SZT2: variants seen among roughly 807,000 people sequenced by gnomAD.
The protein encoded by SZT2 is KICSTOR complex protein SZT2.
A neutral mutation model predicts 404.2 loss-of-function variants in SZT2; 216 were observed. That is an observed-to-expected ratio of 0.53 (90% confidence interval 0.48 to 0.60). The LOEUF is 0.60. SZT2 is among the 20% of genes least tolerant of loss of function. The pLI is 0.00. For synonymous variants in SZT2, 1,693 were observed against 1,749.9 expected, an observed-to-expected ratio of 0.97 and a Z score of 0.81; for missense variants, 3,857 against 4,459.2, an observed-to-expected ratio of 0.86 and a Z score of 3.85.
rs1283519705 is a variant in SZT2, at chr1:43,422,596, T to C, written c.1886T>C (p.Leu629Pro). 1 of 1,597,690 alleles carries C rather than the reference T, an allele frequency of 6.3e-7. No homozygotes were observed. The highest frequency in any genetic ancestry group is 8.5e-7 in the Non-Finnish European group (1 of 1,179,502). The change falls in exon 13 of 72, where the codon CTA becomes CCA. Residue 629 changes from leucine (L) to proline (P), a missense_variant. This residue lies in a region of SZT2 where 1,725 missense variants were observed against 1,881.0 expected (regional missense o/e 0.92). Transcript: ENST00000634258. ...SLLRDWSSFV[L>P]VEGYSYVKLL... Reference sequence around the variant, plus strand: ...CTGCGGGACTGGAGCAGCTTCGTACTAGTCGAGGGCTATTCTTATGTTAAG... The same window carrying C: ...CTGCGGGACTGGAGCAGCTTCGTACCAGTCGAGGGCTATTCTTATGTTAAG...
Position 43,439,669 on chromosome 1 carries a change from G to T in SZT2, c.6942G>T (p.Trp2314Cys). ...GGGCCCCCTTGTCACTGGCGTTGTGGCCCCCCTCCTCTCCGGGGCCCCCAG... is the reference window on the plus strand; with the variant it reads ...GGGCCCCCTTGTCACTGGCGTTGTGTCCCCCCTCCTCTCCGGGGCCCCCAG... ...EGGAPLSLAL[W>C]PPSSPGPPDP... The change falls in exon 50 of 72, where the codon TGG (tryptophan) becomes TGT (cysteine). Residue 2314 changes from tryptophan to cysteine, a missense_variant. Around this residue, in one of 7 missense-constraint regions of SZT2, gnomAD observed 573 missense variants for 592.4 expected, o/e 0.97. Transcript: ENST00000634258. This position sits in a 1 kb window ranked among gnomAD's most constrained non-coding sequence, Gnocchi z 4.2. 1 of 1,613,260 alleles carries T rather than the reference G, an allele frequency of 6.2e-7. No homozygotes were observed. The highest frequency in any genetic ancestry group is 8.5e-7 in the Non-Finnish European group (1 of 1,179,576).
In SZT2 at chr1:43,442,816, C is replaced by A; in HGVS notation, c.8152-3C>A. ...GAACCCATTGCAATGCTCCATCTCT[C>A]AGGAGCCAAACCCATTCCTGCTGCC... On this transcript the variant is annotated splice_region_variant and splice_polypyrimidine_tract_variant and intron_variant, in intron 58 of 71. Transcript: ENST00000634258. This position sits in a 1 kb window ranked among gnomAD's most constrained non-coding sequence, Gnocchi z 4.5. The A allele has an allele frequency of 6.3e-7, 1 of 1,595,152 alleles. No individual in the cohort carries two copies. Among genetic ancestry groups the A allele is most frequent in the Non-Finnish European group, 8.5e-7 (1 of 1,170,072 alleles).
Position 43,430,346 on chromosome 1 carries a change from C to A in SZT2, c.4437C>A (p.Ile1479=). The A allele has an allele frequency of 6.2e-7, 1 of 1,611,312 alleles. No homozygotes were observed. The highest frequency in any genetic ancestry group is 8.5e-7 in the Non-Finnish European group (1 of 1,179,258). Residue 1479 remains isoleucine (I), a synonymous_variant, in exon 31 of 72, where the codon ATC becomes ATA. Coordinates refer to ENST00000634258, the MANE Select transcript of SZT2 (RefSeq NM_001365999.1). ...CTCGGGACACAGTAGACAGAAAAAT[C>A]AGTGACCTGGAGTTTTCAGAGGCTG... ...EGPRDTVDRK[I]SDLEFSEAEL...
Position 43,426,268 on chromosome 1 carries a change from G to A in SZT2, c.3044-100G>A, listed in dbSNP as rs143492016. The A allele has an allele frequency of 7.2e-3, 10,743 of 1,487,966 alleles. 385 individuals carry two copies. The Admixed American group carries it at 0.11, about 15-fold the overall frequency. 92.2% of individuals were successfully genotyped at this position (1,487,966 alleles called of 1,614,324 possible). ...AGCAGATGAGTGGTGGGGGCAGGAG[G>A]AGCCCATGAGGCTGAAGGAGGGGCC... On this transcript the variant is annotated intron_variant, in intron 21 of 71. Coordinates refer to ENST00000634258, the MANE Select transcript of SZT2 (RefSeq NM_001365999.1). The surrounding 1 kb of genome is among the most constrained non-coding windows in gnomAD (Gnocchi z 4.9).
chr1:43,415,075 T>A lies in SZT2; in HGVS notation c.499-7T>A. On this transcript the variant is annotated splice_region_variant and splice_polypyrimidine_tract_variant and intron_variant, in intron 4 of 71. Coordinates refer to ENST00000634258, the MANE Select transcript of SZT2 (RefSeq NM_001365999.1). ...TCCTGTCTCAGTCTTTCCCATGTGCTTCTTAGGTGCTGGTACAGGGCTGCC... is the reference window on the plus strand; with the variant it reads ...TCCTGTCTCAGTCTTTCCCATGTGCATCTTAGGTGCTGGTACAGGGCTGCC... 6.3e-7 allele frequency: 1 copy of A among 1,597,494 alleles called. No homozygotes were observed. Among genetic ancestry groups the A allele is most frequent in the Non-Finnish European group, 8.5e-7 (1 of 1,179,194 alleles).
intron 26 of SZT2, 64 bp downstream of exon 26, chr1:43,427,798 A>G (rs1653360400): frequency 2.6e-6 from 4 of 1,563,220 alleles, no homozygotes; most frequent in Non-Finnish European, 2.6e-6. Flanking sequence ...AGAAATAAGT[A>G]CACACTAATA....
chr1:43,445,083 C>T (rs1295454673), intron 62 of SZT2, among the ~76,000 whole-genome samples: 1 of 152,188 alleles, frequency 6.6e-6, no homozygotes, highest in Non-Finnish European at 1.5e-5. Context: ...GCTATCTTGA[C>T]AGCCAGTTCC....
rs1255203621 is a variant in SZT2, at chr1:43,442,639, T to C, written c.8151+21T>C. On this transcript the variant is annotated intron_variant, in intron 58 of 71. Transcript: ENST00000634258. This position sits in a 1 kb window ranked among gnomAD's most constrained non-coding sequence, Gnocchi z 4.5. ...AAAAGGTGCCTGCTGCTCTGGTTCT[T>C]CCTATAGTTTTGGCTACTGAGGGGT... 6.3e-7 allele frequency: 1 copy of C among 1,577,514 alleles called. No individual in the cohort carries two copies. The highest frequency in any genetic ancestry group is 8.6e-7 in the Non-Finnish European group (1 of 1,160,914).
Position 43,428,271 on chromosome 1 carries a change from T to C in SZT2, c.3951T>C (p.Ser1317=). The stretch of plus-strand genomic sequence containing the variant: ...TCCGCAGCTTGCAGCAAGCACAGAG[T>C]GTGACCTCCCAGGATTTGCTGACAG... ...GLFRSLQQAQ[S]VTSQDLLTAV... Residue 1317 remains serine, a synonymous_variant, in exon 28 of 72, where the codon AGT becomes AGC. Transcript: ENST00000634258. 1 of 1,614,036 alleles carries C rather than the reference T, an allele frequency of 6.2e-7. No individual in the cohort carries two copies. The highest frequency in any genetic ancestry group is 8.5e-7 in the Non-Finnish European group (1 of 1,180,008).
chr1:43,446,306 C>CTCGCCTTCCTGATCTCATCT, intron 64 of SZT2, 36 bp from the exon 65 acceptor site: 1 of 1,614,234 alleles, frequency 6.2e-7, no homozygotes. Flanking sequence ...CCACCTGTCT[C>CTCGCCTTCCTGATCTCATCT]TCGCCTTCCT....
Position 43,447,129 on chromosome 1 carries a change from C to T in SZT2, c.9247C>T (p.Pro3083Ser), listed in dbSNP as rs1557602565. 6.2e-7 allele frequency: 1 copy of T among 1,613,634 alleles called. No homozygotes were observed. Among genetic ancestry groups the T allele is most frequent in the Non-Finnish European group, 8.5e-7 (1 of 1,180,002 alleles). Reference sequence around the variant, plus strand: ...TCTGCGACACTTCCTGGCCCACCACCCTGACGGACCCCACTTTGGCCGCAA... The same window carrying T: ...TCTGCGACACTTCCTGGCCCACCACTCTGACGGACCCCACTTTGGCCGCAA... Reference protein sequence around the residue: ...TFLRHFLAHHPDGPHFGRNHI... With the variant: ...TFLRHFLAHHSDGPHFGRNHI... Residue 3083 changes from proline to serine, a missense_variant, in exon 66 of 72, where the codon CCT (proline) becomes TCT (serine). By Grantham distance (74) the Pro-to-Ser change is moderately conservative (BLOSUM62 -1). Transcript: ENST00000634258.
rs775399382 is a variant in SZT2 at position 43,426,794 on chromosome 1, C to T, written c.3294C>T (p.Ser1098=). The T allele has an allele frequency of 1.9e-5, 30 of 1,613,672 alleles. No homozygotes were observed. The highest frequency in any genetic ancestry group is 8.3e-5 in the Admixed American group (5 of 59,958). Residue 1098 remains serine (S), a synonymous_variant, in exon 23 of 72, where the codon TCC becomes TCT. Coordinates refer to ENST00000634258, the MANE Select transcript of SZT2 (RefSeq NM_001365999.1). This position sits in a 1 kb window ranked among gnomAD's most constrained non-coding sequence, Gnocchi z 4.9. ...AVGSTQATGD[S]AFTSLSVGLP... is the part of the protein sequence containing the mutation. ...GCAGCACCCAGGCCACAGGAGACTCCGCTTTTACTTCCCTGGTCAGCACCG... is the reference window on the plus strand; with the variant it reads ...GCAGCACCCAGGCCACAGGAGACTCTGCTTTTACTTCCCTGGTCAGCACCG...
rs867931729 is a variant in SZT2, at chr1:43,424,507, C to T, written c.2471+75C>T. ...GTAGACTGGGACACTAGCAAAAAGC[C>T]TATAGCACACACTTCTCCTCTCTAA... On this transcript the variant is annotated intron_variant, in intron 16 of 71. Transcript: ENST00000634258. The surrounding 1 kb of genome is among the most constrained non-coding windows in gnomAD (Gnocchi z 4.1). The T allele has an allele frequency of 3.3e-5, 47 of 1,421,154 alleles. No individual in the cohort carries two copies. The African/African-American group carries it at 4.5e-4, about 14-fold the overall frequency. 88.0% of individuals were successfully genotyped at this position (1,421,154 alleles called of 1,614,324 possible).
At chr1:43,398,662 G>A (rs184164418) in intron 1 of SZT2, among the ~76,000 whole-genome samples, 1 of 152,260 alleles carries the variant, frequency 6.6e-6, no homozygotes, top group East Asian at 1.9e-4. Context: ...TTCCTTCTTT[G>A]CCAATAAATA....
rs374031590 is a variant in SZT2 at position 43,443,446 on chromosome 1, C to G, written c.8594C>G (p.Pro2865Arg). 8.1e-6 allele frequency: 13 copies of G among 1,614,202 alleles called. No homozygotes were observed. The African/African-American group carries it at 1.5e-4, about 18-fold the overall frequency. ...GACCCAGCTGCCTGGCTGCATGGGC[C>G]CCCAGAGACCTCTGGACCCCCTGAC... is the stretch of plus-strand genomic sequence containing the variant. ...LFDPAAWLHGPPETSGPPDGQ... is the reference protein window; with the variant it reads ...LFDPAAWLHGRPETSGPPDGQ... The change falls in exon 61 of 72, where the codon CCC becomes CGC. Residue 2865 changes from proline to arginine, a missense_variant. This residue lies in a region of SZT2 where 717 missense variants were observed against 868.2 expected (regional missense o/e 0.83). Coordinates refer to ENST00000634258, the MANE Select transcript of SZT2 (RefSeq NM_001365999.1).
Position 43,440,586 on chromosome 1 carries a change from G to A in SZT2, c.7344G>A (p.Leu2448=). Residue 2448 remains leucine (L), a splice_region_variant and synonymous_variant, in exon 52 of 72, where the codon CTG becomes CTA. Transcript: ENST00000634258. ...KAGRRSFWDM[L]SKTECGDLGS... ...GCCGGCGTAGCTTCTGGGATATGCT[G>A]GTAATGGAAGAAGTGGTGAAGTGGG... 6.3e-7 allele frequency: 1 copy of A among 1,584,226 alleles called. No homozygotes were observed. The highest frequency in any genetic ancestry group is 8.6e-7 in the Non-Finnish European group (1 of 1,167,100).
rs1340772331 is a variant in SZT2, at chr1:43,439,819, G to T, written c.7042+50G>T. On this transcript the variant is annotated intron_variant, in intron 50 of 71. Coordinates refer to ENST00000634258, the MANE Select transcript of SZT2 (RefSeq NM_001365999.1). This position sits in a 1 kb window ranked among gnomAD's most constrained non-coding sequence, Gnocchi z 4.2. ...AGGTGTTCAGTTATTGCTGTGGGAG[G>T]TAAGGGTGGTGAGTAGAGTGGGATC... 4.5e-6 allele frequency: 7 copies of T among 1,562,742 alleles called. No homozygotes were observed. Among genetic ancestry groups the T allele is most frequent in the Non-Finnish European group, 5.2e-6 (6 of 1,152,428 alleles).
At chr1:43,438,275 T>A in intron 46 of SZT2, 1 of 348,052 alleles carries the variant, frequency 2.9e-6, no homozygotes, top group South Asian at 2.7e-5. Flanking sequence ...ACCGACCTGA[T>A]ACCAGACTGG....
rs1357413676 is a variant in SZT2 at position 43,424,295 on chromosome 1, A to G, written c.2334A>G (p.Ser778=). ...LEPPGPLPLV[S]GRSASSSLAS... ...CACCAGGTCCACTGCCCTTGGTGTC[A>G]GGCCGCTCAGCCTCTTCTAGCCTGG... The change falls in exon 16 of 72, where the codon TCA becomes TCG. Residue 778 remains serine, a synonymous_variant. Transcript: ENST00000634258. This position sits in a 1 kb window ranked among gnomAD's most constrained non-coding sequence, Gnocchi z 4.1. 6.3e-7 allele frequency: 1 copy of G among 1,597,870 alleles called. No homozygotes were observed. The highest frequency in any genetic ancestry group is 1.3e-5 in the African/African-American group (1 of 74,794).
Sources: allele counts gnomAD v4.1 joint callset (sites outside exome capture counted in the v4.1 genomes callset), GRCh38; gene constraint gnomAD v4.1.1; regional missense constraint gnomAD v4.1.1; non-coding constraint Gnocchi (gnomAD v3.1); transcripts MANE v1.5; gene names NCBI Gene and HGNC (gene_info 2026-07-23, HGNC 2026-07-21).